Variants in SDC1 observed in about 807,000 individuals in gnomAD.
SDC1 encodes syndecan 1.
In SDC1, 14 loss-of-function variants were observed where a neutral mutation model predicts 29.7. That is an observed-to-expected ratio of 0.47 (90% CI 0.31 to 0.74). The LOEUF is 0.74. Among genes scored for constraint, SDC1 ranks in the 30% least tolerant of loss-of-function variants. SDC1 has a pLI of 0.05. For missense variants in SDC1, 406 were observed against 400.3 expected (o/e 1.01, Z -0.12); for synonymous variants, 204 against 175.5 (o/e 1.16, Z -1.29).
At chr2:20,210,842 A>G (rs1283086383) in intron 1 of SDC1, among the ~76,000 whole-genome samples, 3 of 152,140 alleles carry the variant, frequency 2.0e-5, no homozygotes, top group Admixed American at 6.5e-5. Flanking sequence ...GCCCATGGTC[A>G]TGGCAGGCTG....
chr2:20,202,867 T>G lies in SDC1; in HGVS notation c.832A>C (p.Met278Leu), dbSNP rs778770732. 6.2e-7 allele frequency: 1 copy of G among 1,613,730 alleles called. No homozygotes were observed. The highest frequency in any genetic ancestry group is 8.5e-7 in the Non-Finnish European group (1 of 1,179,930). Residue 278 changes from methionine to leucine, a missense_variant, in exon 5 of 5, where the codon ATG (methionine) becomes CTG (leucine). Physicochemically the swap from Met to Leu is conservative, Grantham distance 15. Transcript: ENST00000254351. ...VCLVGFMLYR[M>L]KKKDEGSYSL... ...TAGCTGCCTTCGTCCTTCTTCTTCA[T>G]GCGGTACAGCATGAAACCCACCAGG...
intron 1 of SDC1, among the ~76,000 whole-genome samples, chr2:20,220,971 A>C (rs4666298): frequency 0.17 from 25,922 of 152,206 alleles, 2,348 homozygotes; most frequent in East Asian, 0.27. Context: ...AGTCACTTAC[A>C]AGTCAAACCA....
intron 1 of SDC1, among the ~76,000 whole-genome samples, chr2:20,218,954 C>T (rs1055688603): frequency 1.3e-5 from 2 of 152,140 alleles, no homozygotes; most frequent in African/African-American, 4.8e-5. Flanking sequence ...TAGGCAGCCA[C>T]GAAGCCATAA....
At chr2:20,223,861 C>A (rs1188930326) in intron 1 of SDC1, among the ~76,000 whole-genome samples, 1 of 152,206 alleles carries the variant, frequency 6.6e-6, no homozygotes, top group East Asian at 1.9e-4. Context: ...GAGCGTCAGC[C>A]CCGCTGAAGG....
intron 1 of SDC1, among the ~76,000 whole-genome samples, chr2:20,207,643 T>C (rs1040093332): frequency 6.6e-6 from 1 of 152,042 alleles, no homozygotes; most frequent in Non-Finnish European, 1.5e-5. Context: ...AGGCAAGAGG[T>C]TGCAGTGAGC....
At chr2:20,216,443 C>T (rs1233694307) in intron 1 of SDC1, among the ~76,000 whole-genome samples, 4 of 152,206 alleles carry the variant, frequency 2.6e-5, no homozygotes, top group Non-Finnish European at 5.9e-5. Context: ...ATGACACCAG[C>T]CTCTAGGAAG....
chr2:20,206,613 C>A (rs1206175516), intron 1 of SDC1, among the ~76,000 whole-genome samples: 2 of 152,184 alleles, frequency 1.3e-5, no homozygotes, highest in African/African-American at 4.8e-5. Flanking sequence ...TGAGAGGGCC[C>A]CAATGTCTGG....
At chr2:20,212,797 G>T (rs554865544) in intron 1 of SDC1, among the ~76,000 whole-genome samples, 1 of 152,110 alleles carries the variant, frequency 6.6e-6, no homozygotes, top group East Asian at 1.9e-4. Flanking sequence ...CACCTTTCGG[G>T]GACACTCTGG....
intron 3 of SDC1, 94 bp from the exon 4 acceptor site, chr2:20,203,316 C>G (rs1677108770): frequency 5.7e-6 from 8 of 1,415,918 alleles, no homozygotes; most frequent in African/African-American, 1.4e-5. Context: ...TCCTGCCTCC[C>G]TGATCTTTGC....
chr2:20,219,091 C>A (rs976058925), intron 1 of SDC1, among the ~76,000 whole-genome samples: 1 of 152,160 alleles, frequency 6.6e-6, no homozygotes, highest in African/African-American at 2.4e-5. Context: ...GCAGGTCCAG[C>A]CGCCGCCTGT....
intron 1 of SDC1, among the ~76,000 whole-genome samples, chr2:20,208,405 C>CG (rs1558433718): frequency 1.3e-5 from 2 of 152,214 alleles, no homozygotes; most frequent in African/African-American, 4.8e-5. Context: ...CCCTGGCCTC[C>CG]GGGGGCCTCT....
At chr2:20,206,001 T>C (rs993422962) in intron 1 of SDC1, among the ~76,000 whole-genome samples, 1 of 152,238 alleles carries the variant, frequency 6.6e-6, no homozygotes, top group African/African-American at 2.4e-5. Context: ...CACAAGGAAC[T>C]GTCTGTTCTG....
chr2:20,215,535 G>A (rs1677601508), intron 1 of SDC1, among the ~76,000 whole-genome samples: 1 of 152,224 alleles, frequency 6.6e-6, no homozygotes, highest in Admixed American at 6.5e-5. Flanking sequence ...GTGACTCCAC[G>A]CTCAGGCTGG....
intron 1 of SDC1, chr2:20,223,130 G>T: frequency 3.1e-6 from 2 of 651,140 alleles, no homozygotes; most frequent in Non-Finnish European, 4.8e-6. Flanking sequence ...ACCCCTCACA[G>T]TCCAGCCCAT....
chr2:20,204,055 T>C lies in SDC1; in HGVS notation c.385A>G (p.Thr129Ala), dbSNP rs1413567250. The C allele has an allele frequency of 1.9e-6, 3 of 1,611,842 alleles. No individual in the cohort carries two copies. Among genetic ancestry groups the C allele is most frequent in the Non-Finnish European group, 2.5e-6 (3 of 1,179,366 alleles). Reference sequence around the variant, plus strand: ...GCCAGATGAGTGGTCGGGAGCTGTGTGGTCTCCCTGGGTCGGGGGGTGGCC... The same window carrying C: ...GCCAGATGAGTGGTCGGGAGCTGTGCGGTCTCCCTGGGTCGGGGGGTGGCC... ...QEATPRPRET[T>A]QLPTTHLAST... Residue 129 changes from threonine (T) to alanine (A), a missense_variant, in exon 3 of 5, where the codon ACA becomes GCA. Transcript: ENST00000254351.
chr2:20,207,432 A>C (rs1677313421), intron 1 of SDC1: 2 of 982,660 alleles, frequency 2.0e-6, no homozygotes, highest in African/African-American at 3.5e-5. Flanking sequence ...ACAGTCATTG[A>C]CTTGACTGGT....
chr2:20,220,385 C>A (rs866778852), intron 1 of SDC1, among the ~76,000 whole-genome samples: 4 of 152,186 alleles, frequency 2.6e-5, no homozygotes, highest in South Asian at 4.1e-4. Context: ...ACACTGCACA[C>A]ACACACACAA....
chr2:20,205,001 C>T (rs3771257), intron 2 of SDC1, among the ~76,000 whole-genome samples: 75,161 of 152,250 alleles, frequency 0.49, 20,301 homozygotes, highest in East Asian at 0.71. Context: ...GATGAGAAAA[C>T]AGAGGCTCAG....
At chr2:20,218,684 C>G (rs531671754) in intron 1 of SDC1, among the ~76,000 whole-genome samples, 2 of 151,082 alleles carry the variant, frequency 1.3e-5, no homozygotes, top group Non-Finnish European at 1.5e-5. Context: ...GACACACACA[C>G]GGACGCACAC....
Sources: allele counts gnomAD v4.1 joint callset (sites outside exome capture counted in the v4.1 genomes callset), GRCh38; gene constraint gnomAD v4.1.1; transcripts MANE v1.5; gene names NCBI Gene and HGNC (gene_info 2026-07-23, HGNC 2026-07-21).